NLGN1: variants seen among roughly 807,000 people sequenced by gnomAD.
NLGN1 encodes neuroligin 1, also known as neuroligin-1.
NLGN1 carries 12 observed loss-of-function variants against 65.5 expected under a neutral mutation model. That is an observed-to-expected ratio of 0.18 (90% confidence interval 0.12 to 0.30). NLGN1 has a LOEUF of 0.30. Ranked by LOEUF, NLGN1 falls within the 10% of genes least tolerant of loss-of-function variation. NLGN1 has a pLI of 1.00. For synonymous variants in NLGN1, 350 were observed against 359.5 expected (o/e 0.97, Z 0.30); for missense variants, 750 against 1,007.1 (o/e 0.74, Z 3.46).
intron 4 of NLGN1, among the ~76,000 whole-genome samples, chr3:174,007,373 CAT>C (rs1405735708): frequency 6.6e-6 from 1 of 152,158 alleles, no homozygotes; most frequent in Non-Finnish European, 1.5e-5. Context: ...TTAATGAAAA[CAT>C]GTTATTATTT....
downstream of NLGN1, among the ~76,000 whole-genome samples, chr3:174,289,812 C>A (rs1752526291): frequency 6.7e-6 from 1 of 149,910 alleles, no homozygotes. Context: ...TGACTCTCAC[C>A]AATTTGCATA....
chr3:173,639,537 T>A (rs1317537124), intron 3 of NLGN1, among the ~76,000 whole-genome samples: 2 of 152,206 alleles, frequency 1.3e-5, no homozygotes, highest in Non-Finnish European at 2.9e-5. Flanking sequence ...CATGGAGGAC[T>A]GTTATGGGGA....
intron 4 of NLGN1, among the ~76,000 whole-genome samples, chr3:173,838,031 A>G (rs962520712): frequency 6.6e-6 from 1 of 152,196 alleles, no homozygotes; most frequent in Non-Finnish European, 1.5e-5. Flanking sequence ...ATTTTGTAGA[A>G]TAGGAAACAG....
At chr3:173,806,916 A>T (rs1378336850) in intron 3 of NLGN1, among the ~76,000 whole-genome samples, 1 of 152,164 alleles carries the variant, frequency 6.6e-6, no homozygotes, top group Non-Finnish European at 1.5e-5. Flanking sequence ...CATAGAGCCA[A>T]AGCGTGAAGA....
chr3:174,174,808 G>A (rs918237464), intron 4 of NLGN1, among the ~76,000 whole-genome samples: 3 of 151,746 alleles, frequency 2.0e-5, no homozygotes, highest in African/African-American at 7.2e-5. Flanking sequence ...CCTTAGTACG[G>A]CTTTTGCTGT....
chr3:173,419,820 A>C (rs1714633530), intron 1 of NLGN1, among the ~76,000 whole-genome samples: 1 of 152,038 alleles, frequency 6.6e-6, no homozygotes, highest in African/African-American at 2.4e-5. Context: ...TAAAAATACA[A>C]AAATTAGCTG....
chr3:173,622,213 TGTATACAA>T (rs1397946045), intron 3 of NLGN1, among the ~76,000 whole-genome samples: 1 of 152,066 alleles, frequency 6.6e-6, no homozygotes, highest in East Asian at 1.9e-4. Flanking sequence ...GATTGAGGAA[TGTATACAA>T]GGCCAATTAC....
At chr3:173,899,799 G>T (rs1223353219) in intron 4 of NLGN1, among the ~76,000 whole-genome samples, 2 of 152,016 alleles carry the variant, frequency 1.3e-5, no homozygotes, top group South Asian at 4.1e-4. Context: ...GTGTAAGTTT[G>T]CTTGCCCATG....
intron 1 of NLGN1, among the ~76,000 whole-genome samples, chr3:173,401,999 A>T (rs1717789146): frequency 6.6e-6 from 1 of 152,178 alleles, no homozygotes; most frequent in Non-Finnish European, 1.5e-5. Context: ...CTTCCAGTCT[A>T]TTGAATAAAG....
At chr3:173,532,385 C>G (rs979073563) in intron 2 of NLGN1, among the ~76,000 whole-genome samples, 4 of 152,122 alleles carry the variant, frequency 2.6e-5, no homozygotes, top group Non-Finnish European at 4.4e-5. Flanking sequence ...ATTGTAATTA[C>G]CTTCATATTC....
rs147379084 is a variant in NLGN1 at position 173,485,480 on chromosome 3, T to G, written c.-321+50402T>G. Reference sequence around the variant, plus strand: ...TTAATTTTTCAAGTCCCATAAAAAATTATGCTAGAATTTTGTTGGGAGTCG... The same window carrying G: ...TTAATTTTTCAAGTCCCATAAAAAAGTATGCTAGAATTTTGTTGGGAGTCG... On this transcript the variant is annotated intron_variant, in intron 2 of 6. Coordinates refer to ENST00000457714, the Ensembl canonical transcript of NLGN1. 3.6e-3 allele frequency among the ~76,000 whole-genome samples: 543 copies of G among 152,324 alleles called. 3 individuals are homozygous for G. Among genetic ancestry groups the G allele is most frequent in the African/African-American group, 0.012 (518 of 41,576 alleles).
At chr3:173,993,344 T>A (rs1001930621) in intron 4 of NLGN1, among the ~76,000 whole-genome samples, 1 of 152,212 alleles carries the variant, frequency 6.6e-6, no homozygotes, top group Non-Finnish European at 1.5e-5. Context: ...GTAAAAGACA[T>A]GCCATGTGTG....
intron 3 of NLGN1, among the ~76,000 whole-genome samples, chr3:173,630,331 T>A (rs1246910853): frequency 6.6e-6 from 1 of 152,148 alleles, no homozygotes; most frequent in African/African-American, 2.4e-5. Context: ...CTAACTGTAA[T>A]AGTCACATAC....
chr3:173,717,533 G>T (rs1244461069), intron 3 of NLGN1, among the ~76,000 whole-genome samples: 1 of 152,080 alleles, frequency 6.6e-6, no homozygotes, highest in Non-Finnish European at 1.5e-5. Context: ...GTGCTTGTAG[G>T]TTAAAAGTAG....
At chr3:173,917,893 T>G (rs2152249678) in intron 4 of NLGN1, among the ~76,000 whole-genome samples, 1 of 146,704 alleles carries the variant, frequency 6.8e-6, no homozygotes. Context: ...GGATTTATTG[T>G]TGATGAATGG....
chr3:174,277,273 A>G (rs1043706885), intron 5 of NLGN1, among the ~76,000 whole-genome samples: 1 of 151,874 alleles, frequency 6.6e-6, no homozygotes, highest in Non-Finnish European at 1.5e-5. Context: ...AAGGCAATAA[A>G]TCCCACAATG....
intron 2 of NLGN1, among the ~76,000 whole-genome samples, chr3:173,490,539 C>G (rs550588485): frequency 1.5e-4 from 23 of 152,232 alleles, no homozygotes; most frequent in Admixed American, 1.2e-3. Context: ...ATGCCTCCAG[C>G]TTTGTTCTTT....
chr3:173,946,947 G>C (rs1320069586), intron 4 of NLGN1, among the ~76,000 whole-genome samples: 1 of 152,148 alleles, frequency 6.6e-6, no homozygotes. Flanking sequence ...CCTCCACAAT[G>C]CTTCACCCAA....
chr3:174,124,862 GA>G (rs1456080290), intron 4 of NLGN1, among the ~76,000 whole-genome samples: 1 of 151,936 alleles, frequency 6.6e-6, no homozygotes, highest in African/African-American at 2.4e-5. Context: ...GAGGTTCCTG[GA>G]ATCTTTTCTG....
Sources: gnomAD v4.1 joint callset for allele counts (sites outside exome capture counted in the v4.1 genomes callset) on GRCh38, gnomAD v4.1.1 for gene constraint, MANE v1.5 for transcripts, NCBI Gene and HGNC (gene_info 2026-07-23, HGNC 2026-07-21) for gene names.